Variants in COL24A1 observed in about 807,000 individuals in gnomAD.
COL24A1 encodes the protein collagen type XXIV alpha 1 chain, also known as collagen alpha-1(XXIV) chain.
A neutral mutation model predicts 253.9 loss-of-function variants in COL24A1; 224 were observed. The ratio of observed to expected loss-of-function variants is 0.88; its 90% CI spans 0.79 to 0.99. The LOEUF is 0.99. Ranked by LOEUF, COL24A1 falls within the 50% of genes least tolerant of loss-of-function variation. The pLI is 0.00. For missense variants in COL24A1, 2,131 were observed against 2,068.5 expected, an observed-to-expected ratio of 1.03 and a Z score of -0.59; for synonymous variants, 685 against 673.7, an observed-to-expected ratio of 1.02 and a Z score of -0.26.
chr1:85,990,105 G>C (rs1694111980), intron 19 of COL24A1, among the ~76,000 whole-genome samples: 1 of 152,090 alleles, frequency 6.6e-6, no homozygotes, highest in Non-Finnish European at 1.5e-5. Flanking sequence ...TGCTGCTGTT[G>C]AATGACTGGT....
intron 5 of COL24A1, among the ~76,000 whole-genome samples, chr1:86,099,037 C>CA (rs1320748376): frequency 1.3e-5 from 2 of 151,942 alleles, no homozygotes. Context: ...AGAATGTTGA[C>CA]AAAAATAGGT....
intron 23 of COL24A1, 90 bp downstream of exon 23, chr1:85,964,919 G>C (rs973836738): frequency 9.1e-7 from 1 of 1,097,418 alleles, no homozygotes; most frequent in Non-Finnish European, 1.3e-6. Context: ...TTTTTAAGTT[G>C]ATGTGTTCAT....
chr1:86,095,773 T>C (rs1339843741), intron 5 of COL24A1, among the ~76,000 whole-genome samples: 2 of 152,096 alleles, frequency 1.3e-5, no homozygotes, highest in Admixed American at 6.6e-5. Context: ...AGGAAGTATA[T>C]ATCCTTTTGA....
intron 7 of COL24A1, among the ~76,000 whole-genome samples, chr1:86,074,689 T>C (rs1000182476): frequency 6.6e-6 from 1 of 152,142 alleles, no homozygotes; most frequent in Non-Finnish European, 1.5e-5. Flanking sequence ...TGTTCTAAAA[T>C]TGACCACATA....
At chr1:86,105,639 A>G (rs1338368250) in intron 5 of COL24A1, among the ~76,000 whole-genome samples, 1 of 128,346 alleles carries the variant, frequency 7.8e-6, no homozygotes, top group Non-Finnish European at 1.8e-5. Context: ...GCCTAGGGGG[A>G]TTGGCATTCC....
intron 5 of COL24A1, among the ~76,000 whole-genome samples, chr1:86,106,646 T>C (rs1041504412): frequency 2.0e-5 from 3 of 151,350 alleles, no homozygotes; most frequent in African/African-American, 7.4e-5. Flanking sequence ...TGCAAATAAA[T>C]AGAATACAGT....
chr1:86,023,386 G>A (rs918724646), intron 14 of COL24A1, among the ~76,000 whole-genome samples: 1 of 152,034 alleles, frequency 6.6e-6, no homozygotes, highest in African/African-American at 2.4e-5. Flanking sequence ...GATTGTCTTA[G>A]AGTTTTATTT....
In COL24A1 at chr1:85,994,911, T is replaced by C. The variant is rs187125380; in HGVS notation, c.2311-7257A>G. On this transcript the variant is annotated intron_variant, in intron 19 of 59. Coordinates refer to ENST00000370571, the MANE Select transcript of COL24A1 (RefSeq NM_152890.7). Reference sequence around the variant, plus strand: ...TTTGCTGTTTTAGATCTAAAAGCCATCAAAACCAGGTATTTTCCATCATGA... The same window carrying C: ...TTTGCTGTTTTAGATCTAAAAGCCACCAAAACCAGGTATTTTCCATCATGA... 9.2e-5 allele frequency among the ~76,000 whole-genome samples: 14 copies of C among 152,282 alleles called. 1 individual carries two copies. In the East Asian group the frequency reaches 2.7e-3, roughly 29 times the overall value.
chr1:85,923,727 T>C (rs10873737), intron 24 of COL24A1, among the ~76,000 whole-genome samples: 66,084 of 151,974 alleles, frequency 0.43, 15,637 homozygotes, highest in East Asian at 0.75. Context: ...AGGAAAGATC[T>C]AAAATTAACA....
At chr1:86,141,502 T>C (rs1389138131) in intron 2 of COL24A1, among the ~76,000 whole-genome samples, 1 of 152,156 alleles carries the variant, frequency 6.6e-6, no homozygotes, top group Admixed American at 6.5e-5. Flanking sequence ...CCTCTTTATA[T>C]CACTGAACTC....
chr1:86,116,075 C>T (rs1445153047), intron 3 of COL24A1, among the ~76,000 whole-genome samples: 1 of 152,124 alleles, frequency 6.6e-6, no homozygotes, highest in Non-Finnish European at 1.5e-5. Flanking sequence ...TTTATGTTGT[C>T]TTCTTCACTT....
chr1:86,031,582 T>C (rs974023802), intron 14 of COL24A1, among the ~76,000 whole-genome samples: 9 of 152,194 alleles, frequency 5.9e-5, no homozygotes, highest in African/African-American at 1.9e-4. Context: ...CTATGTCTTA[T>C]GCTTTTGAGG....
At chr1:86,106,548 G>A (rs1304860708) in intron 5 of COL24A1, among the ~76,000 whole-genome samples, 1 of 152,104 alleles carries the variant, frequency 6.6e-6, no homozygotes, top group African/African-American at 2.4e-5. Context: ...TGATGATACA[G>A]ACTCTACGTG....
intron 32 of COL24A1, among the ~76,000 whole-genome samples, chr1:85,880,906 C>G (rs1361654276): frequency 6.6e-6 from 1 of 152,104 alleles, no homozygotes; most frequent in Non-Finnish European, 1.5e-5. Flanking sequence ...TCTGTTTATA[C>G]ATTGTTTGAT....
At chr1:85,948,325 C>G (rs540511661) in intron 24 of COL24A1, among the ~76,000 whole-genome samples, 1 of 151,506 alleles carries the variant, frequency 6.6e-6, no homozygotes, top group African/African-American at 2.4e-5. Flanking sequence ...GAGATCGAGA[C>G]CATCCTGGCT....
intron 53 of COL24A1, among the ~76,000 whole-genome samples, chr1:85,769,343 T>C (rs1407364475): frequency 2.6e-5 from 4 of 151,074 alleles, no homozygotes; most frequent in African/African-American, 9.7e-5. Context: ...GAGGCACAGG[T>C]AGAAGGAATA....
chr1:86,084,711 T>C (rs566146040), intron 7 of COL24A1, among the ~76,000 whole-genome samples: 2 of 152,330 alleles, frequency 1.3e-5, no homozygotes, highest in African/African-American at 4.8e-5. Flanking sequence ...TTCAATCATA[T>C]GAGCCAGACT....
intron 53 of COL24A1, among the ~76,000 whole-genome samples, chr1:85,772,691 T>A (rs924179746): frequency 6.6e-6 from 1 of 152,148 alleles, no homozygotes; most frequent in African/African-American, 2.4e-5. Context: ...TCTGTTCATA[T>A]CCTTTGCCCA....
At chr1:86,107,217 TACAA>T (rs922636636) in intron 5 of COL24A1, among the ~76,000 whole-genome samples, 5 of 152,194 alleles carry the variant, frequency 3.3e-5, no homozygotes, top group African/African-American at 9.6e-5. Context: ...CTCTACCACT[TACAA>T]ACAGTGTTAC....
Sources: gnomAD v4.1 joint callset for allele counts (sites outside exome capture counted in the v4.1 genomes callset) on GRCh38, gnomAD v4.1.1 for gene constraint, MANE v1.5 for transcripts, NCBI Gene and HGNC (gene_info 2026-07-23, HGNC 2026-07-21) for gene names.